TNRC6A: variants seen among roughly 807,000 people sequenced by gnomAD.
TNRC6A encodes trinucleotide repeat containing adaptor 6A.
TNRC6A carries 44 observed loss-of-function variants against 221.2 expected under a neutral mutation model. The ratio of observed to expected loss-of-function variants is 0.20; its 90% CI spans 0.16 to 0.26. The LOEUF (loss-of-function observed/expected upper bound fraction) is 0.26, where lower values mean the gene tolerates loss of function less well. Ranked by LOEUF, TNRC6A falls within the 10% of genes least tolerant of loss-of-function variation. The pLI, the probability that TNRC6A is intolerant of heterozygous loss-of-function variation, is 1.00. For synonymous variants in TNRC6A, 847 were observed against 838.5 expected (o/e 1.01, Z -0.18); for missense variants, 2,199 against 2,404.4 (o/e 0.91, Z 1.79).
intron 3 of TNRC6A, among the ~76,000 whole-genome samples, chr16:24,752,265 G>C (rs991798507): frequency 1.3e-5 from 2 of 152,142 alleles, no homozygotes; most frequent in Admixed American, 6.5e-5. Flanking sequence ...AGATTGACTC[G>C]CAGGTTCCAG....
At chr16:24,805,294 AAAG>A in intron 14 of TNRC6A, 143 bp downstream of exon 14, 2 of 1,241,248 alleles carry the variant, frequency 1.6e-6, no homozygotes, top group Non-Finnish European at 2.2e-6. Flanking sequence ...AACTATTAAA[AAAG>A]GTTGTAGTAA....
At position 24,668,171 on chromosome 16, in the gene TNRC6A, T is replaced by G. The variant is rs184638889; in HGVS notation, n.402+27162T>G. Among the ~76,000 whole-genome samples, 755 of 151,820 alleles carry G rather than the reference T, an allele frequency of 5.0e-3. 7 individuals are homozygous for G. Among genetic ancestry groups the G allele is most frequent in the African/African-American group, 0.016 (667 of 41,370 alleles). On this transcript the variant is annotated intron_variant and non_coding_transcript_variant, in intron 2 of 2. Transcript: ENST00000566108. ...GGTGAAACCCCCTCTCTACTAAAAGTACAAAAATTAGCCAGGCGTGGTGGC... is the reference window on the plus strand; with the variant it reads ...GGTGAAACCCCCTCTCTACTAAAAGGACAAAAATTAGCCAGGCGTGGTGGC...
chr16:24,689,478 A>G (rs2055707095), intron 2 of TNRC6A, among the ~76,000 whole-genome samples: 1 of 152,224 alleles, frequency 6.6e-6, no homozygotes, highest in Admixed American at 6.5e-5. Context: ...TCAGACTCCA[A>G]ATGTTCATAG....
intron 4 of TNRC6A, among the ~76,000 whole-genome samples, chr16:24,771,560 TTTTA>T (rs869274220): frequency 2.9e-5 from 1 of 34,466 alleles, no homozygotes; most frequent in Admixed American, 2.8e-4. Context: ...TTATGTTATG[TTTTA>T]TGTTATGTTA....
chr16:24,691,282 G>GT (rs746691254), intron 2 of TNRC6A, among the ~76,000 whole-genome samples: 1 of 151,896 alleles, frequency 6.6e-6, no homozygotes, highest in Non-Finnish European at 1.5e-5. Context: ...CAGTGGTGCA[G>GT]TCATAGCTCA....
At chr16:24,642,082 G>A (rs1901978229) in intron 2 of TNRC6A, among the ~76,000 whole-genome samples, 1 of 152,204 alleles carries the variant, frequency 6.6e-6, no homozygotes, top group African/African-American at 2.4e-5. Context: ...GATCATTTCA[G>A]AGGATCTACC....
At position 24,645,539 on chromosome 16, in the gene TNRC6A, T is replaced by C. The variant is rs146728260; in HGVS notation, n.402+4530T>C. Among the ~76,000 whole-genome samples the C allele has an allele frequency of 9.4e-3, 1,424 of 151,706 alleles. 15 individuals carry two copies. Among genetic ancestry groups the C allele is most frequent in the South Asian group, 0.029 (140 of 4,806 alleles). ...CAAAAACCTACTTCTGTCCGAGTTA[T>C]AGCAATTCACCAATCCTCATGTCAA... On this transcript the variant is annotated intron_variant and non_coding_transcript_variant, in intron 2 of 2. Coordinates refer to the TNRC6A transcript ENST00000566108.
chr16:24,642,932 T>A (rs918062094), intron 2 of TNRC6A, among the ~76,000 whole-genome samples: 2 of 150,054 alleles, frequency 1.3e-5, no homozygotes, highest in Non-Finnish European at 3.0e-5. Context: ...TAATCCCAGC[T>A]ACTTGGGAGA....
chr16:24,763,440 G>A (rs746860155), intron 4 of TNRC6A, among the ~76,000 whole-genome samples: 2 of 152,162 alleles, frequency 1.3e-5, no homozygotes, highest in Non-Finnish European at 2.9e-5. Flanking sequence ...CTAAGTTTGT[G>A]TTGAAGGAAG....
At chr16:24,678,036 G>A (rs1416963235) in intron 2 of TNRC6A, among the ~76,000 whole-genome samples, 3 of 151,982 alleles carry the variant, frequency 2.0e-5, no homozygotes, top group East Asian at 1.9e-4. Context: ...GGGGCTGAGC[G>A]CAGTGACTCA....
At chr16:24,792,100 T>C (rs2058114997) in intron 6 of TNRC6A, among the ~76,000 whole-genome samples, 1 of 152,232 alleles carries the variant, frequency 6.6e-6, no homozygotes, top group Non-Finnish European at 1.5e-5. Flanking sequence ...CAAGTTGTTT[T>C]TGAGTTAGGC....
intron 19 of TNRC6A, chr16:24,815,555 A>G (rs1445414550): frequency 4.2e-6 from 2 of 477,950 alleles, no homozygotes; most frequent in Non-Finnish European, 7.7e-6. Context: ...CAGCATGAAG[A>G]ATTATATTAA....
At chr16:24,779,093 A>C (rs982143322) in intron 5 of TNRC6A, among the ~76,000 whole-genome samples, 1 of 152,218 alleles carries the variant, frequency 6.6e-6, no homozygotes, top group East Asian at 1.9e-4. Context: ...AAAAATAACT[A>C]TGAGTCAAAA....
intron 2 of TNRC6A, among the ~76,000 whole-genome samples, chr16:24,704,817 A>G (rs140242158): frequency 6.6e-6 from 1 of 152,066 alleles, no homozygotes; most frequent in African/African-American, 2.4e-5. Context: ...ACAAGTAAAT[A>G]AATATCTTTA....
Position 24,729,823 on chromosome 16 carries a change from G to T in TNRC6A, c.-19G>T. ...GAGCCTCCTTCGCCGCGCCCCACTTGCTCGTGCACTTTACACACATGAGGT... is the reference window on the plus strand; with the variant it reads ...GAGCCTCCTTCGCCGCGCCCCACTTTCTCGTGCACTTTACACACATGAGGT... On this transcript the variant is annotated 5_prime_UTR_variant, in exon 1 of 25. Coordinates refer to ENST00000395799, the MANE Select transcript of TNRC6A (RefSeq NM_014494.4). The T allele has an allele frequency of 7.1e-7, 1 of 1,404,278 alleles. No individual in the cohort carries two copies. The highest frequency in any genetic ancestry group is 9.3e-7 in the Non-Finnish European group (1 of 1,071,344). The allele number at this position is 1,404,278 out of a possible 1,614,324, so 87.0% of individuals were successfully genotyped here. A position where few individuals can be genotyped will look rare whatever the true frequency, so the allele number is the denominator to read the frequency against.
chr16:24,790,049 A>G lies in TNRC6A; in HGVS notation c.1407A>G (p.Ser469=). The G allele has an allele frequency of 6.2e-7, 1 of 1,614,248 alleles. No homozygotes were observed. Among genetic ancestry groups the G allele is most frequent in the South Asian group, 1.1e-5 (1 of 91,092 alleles). ...FMTSSLPNSG[S]VQNNELPSSN... ...CCTCTAGTTTACCAAACTCCGGTTC[A>G]GTGCAGAATAATGAGCTGCCTAGTA... Residue 469 remains serine (S), a synonymous_variant, in exon 6 of 25, where the codon TCA becomes TCG. Transcript: ENST00000395799.
chr16:24,688,133 G>T (rs533965055), intron 2 of TNRC6A, among the ~76,000 whole-genome samples: 1 of 151,262 alleles, frequency 6.6e-6, no homozygotes, highest in South Asian at 2.1e-4. Flanking sequence ...TAGAGACGGG[G>T]TTTTACCATG....
At chr16:24,623,632 A>T (rs2141616163) in intron 1 of TNRC6A, among the ~76,000 whole-genome samples, 1 of 152,132 alleles carries the variant, frequency 6.6e-6, no homozygotes, top group East Asian at 1.9e-4. Context: ...ATGGTGGCGC[A>T]CACCTGTAAT....
At chr16:24,661,629 G>A (rs1222874335) in intron 2 of TNRC6A, 1 of 152,098 alleles carries the variant, frequency 6.6e-6, no homozygotes, top group Non-Finnish European at 1.5e-5. Context: ...GGCCAGGATG[G>A]TCTCGATCTC....
Sources: allele counts gnomAD v4.1 joint callset (sites outside exome capture counted in the v4.1 genomes callset), GRCh38; gene constraint gnomAD v4.1.1; transcripts MANE v1.5; gene names NCBI Gene and HGNC (gene_info 2026-07-23, HGNC 2026-07-21).